RALYL: variants seen among roughly 807,000 people sequenced by gnomAD.
RALYL encodes the protein RNA-binding Raly-like protein.
RALYL carries 29 observed loss-of-function variants against 35.1 expected under a neutral mutation model. The observed-to-expected ratio is 0.83, with a 90% confidence interval of 0.61 to 1.13. The LOEUF is 1.13. Ranked by LOEUF, RALYL falls within the 50% of genes most tolerant of loss-of-function variation. The pLI is 0.00. For synonymous variants in RALYL, 120 were observed against 127.6 expected, an observed-to-expected ratio of 0.94 and a Z score of 0.40; for missense variants, 359 against 360.4, an observed-to-expected ratio of 1.00 and a Z score of 0.03.
intron 1 of RALYL, among the ~76,000 whole-genome samples, chr8:84,478,852 G>C (rs891200044): frequency 2.7e-5 from 4 of 149,572 alleles, no homozygotes; most frequent in African/African-American, 9.8e-5. Context: ...TTTGGGAGGC[G>C]GAGGCGGGCG....
At chr8:84,273,512 A>G (rs765895984) in intron 1 of RALYL, among the ~76,000 whole-genome samples, 1 of 152,258 alleles carries the variant, frequency 6.6e-6, no homozygotes, top group African/African-American at 2.4e-5. Flanking sequence ...GAGAAGGGTC[A>G]TTAAATCCCC....
At chr8:84,682,439 G>A (rs1289484205) in intron 2 of RALYL, among the ~76,000 whole-genome samples, 1 of 152,084 alleles carries the variant, frequency 6.6e-6, no homozygotes, top group Non-Finnish European at 1.5e-5. Context: ...TTTTACCTCT[G>A]GTAGAATTCG....
chr8:84,854,845 T>C (rs1406897306), intron 5 of RALYL, among the ~76,000 whole-genome samples: 1 of 152,112 alleles, frequency 6.6e-6, no homozygotes, highest in African/African-American at 2.4e-5. Flanking sequence ...AAACTATGCA[T>C]AGGAGATTCT....
At chr8:84,614,777 T>TC (rs1404029048) in intron 2 of RALYL, among the ~76,000 whole-genome samples, 5 of 146,762 alleles carry the variant, frequency 3.4e-5, no homozygotes, top group African/African-American at 1.3e-4. Context: ...CTTCTTTCCT[T>TC]TTTTTTTTTT....
At chr8:84,755,675 G>C (rs1811216915) in intron 2 of RALYL, among the ~76,000 whole-genome samples, 1 of 151,848 alleles carries the variant, frequency 6.6e-6, no homozygotes. Context: ...TGCCAATGTT[G>C]TTTCTTAATA....
At chr8:84,345,847 T>G in intron 1 of RALYL, among the ~76,000 whole-genome samples, 1 of 152,188 alleles carries the variant, frequency 6.6e-6, no homozygotes, top group South Asian at 2.1e-4. Flanking sequence ...CAGATATTAA[T>G]CAAATAATTA....
chr8:84,608,983 C>G (rs1300175010), intron 2 of RALYL, among the ~76,000 whole-genome samples: 1 of 151,950 alleles, frequency 6.6e-6, no homozygotes, highest in Admixed American at 6.6e-5. Flanking sequence ...AGAGTTGAAG[C>G]AATTTGCCCC....
At chr8:84,708,075 A>C (rs759129406) in intron 2 of RALYL, among the ~76,000 whole-genome samples, 2 of 152,150 alleles carry the variant, frequency 1.3e-5, no homozygotes, top group Non-Finnish European at 2.9e-5. Flanking sequence ...GAGATAGTAC[A>C]TAAATCAACT....
At chr8:84,413,800 A>C (rs917894010) in intron 1 of RALYL, among the ~76,000 whole-genome samples, 2 of 152,046 alleles carry the variant, frequency 1.3e-5, no homozygotes, top group African/African-American at 4.8e-5. Context: ...GGCAGTTCTT[A>C]GTGAAATCAA....
intron 1 of RALYL, among the ~76,000 whole-genome samples, chr8:84,427,275 C>G (rs942460962): frequency 6.6e-6 from 1 of 152,190 alleles, no homozygotes; most frequent in Non-Finnish European, 1.5e-5. Context: ...AGCTTCTCCC[C>G]TCAGGCCCTC....
At position 84,801,401 on chromosome 8, in the gene RALYL, C is replaced by T. The variant is rs1425681449; in HGVS notation, c.333-3369C>T. On this transcript the variant is annotated intron_variant, in intron 3 of 8. Transcript: ENST00000521268. ...CTTAACACAAAACTGTTGGAAGTCT[C>T]TTGTCTAAACAGAGTACAGGTTTAA... 3.9e-5 allele frequency among the ~76,000 whole-genome samples: 6 copies of T among 152,182 alleles called. No homozygotes were observed. In the East Asian group the frequency reaches 1.2e-3, roughly 29 times the overall value.
intron 1 of RALYL, among the ~76,000 whole-genome samples, chr8:84,455,544 T>C (rs1365535580): frequency 1.3e-5 from 2 of 152,102 alleles, no homozygotes; most frequent in Non-Finnish European, 2.9e-5. Context: ...TATAGGATTC[T>C]GTTTTCTTCA....
intron 4 of RALYL, among the ~76,000 whole-genome samples, chr8:84,842,633 A>G (rs1833690180): frequency 6.6e-6 from 1 of 152,156 alleles, no homozygotes; most frequent in African/African-American, 2.4e-5. Context: ...CCTGCATCAT[A>G]CTGATATCAA....
Position 84,862,469 on chromosome 8 carries a change from C to T in RALYL, c.571+16C>T. On this transcript the variant is annotated intron_variant, in intron 6 of 8. Transcript: ENST00000521268. Reference sequence around the variant, plus strand: ...GGTTCTAAATGTAAGTAATGTCCTTCATTTTATTTCTCTTTAAAGAAGGGA... The same window carrying T: ...GGTTCTAAATGTAAGTAATGTCCTTTATTTTATTTCTCTTTAAAGAAGGGA... 1 of 1,532,906 alleles carries T rather than the reference C, an allele frequency of 6.5e-7. No individual in the cohort carries two copies. The allele number at this position is 1,532,906 out of a possible 1,614,324, so 95.0% of individuals were successfully genotyped here.
intron 2 of RALYL, among the ~76,000 whole-genome samples, chr8:84,688,224 A>G (rs1435375632): frequency 1.3e-5 from 2 of 152,090 alleles, no homozygotes; most frequent in African/African-American, 2.4e-5. Flanking sequence ...TCAGTATAGA[A>G]TTTATTTGGA....
chr8:84,555,084 G>A (rs1306784899), intron 2 of RALYL, among the ~76,000 whole-genome samples: 1 of 152,108 alleles, frequency 6.6e-6, no homozygotes, highest in African/African-American at 2.4e-5. Context: ...TTCAAGACCA[G>A]CCTGACCAAC....
At chr8:84,919,238 T>C (rs1848941916) in intron 8 of RALYL, among the ~76,000 whole-genome samples, 2 of 152,096 alleles carry the variant, frequency 1.3e-5, no homozygotes, top group Admixed American at 1.3e-4. Flanking sequence ...ATTGCAATCA[T>C]ATAAATAGCC....
intron 2 of RALYL, among the ~76,000 whole-genome samples, chr8:84,772,068 G>A (rs1815662801): frequency 6.6e-6 from 1 of 151,840 alleles, no homozygotes; most frequent in African/African-American, 2.4e-5. Flanking sequence ...TGTCCTTGTG[G>A]ATAACCAATC....
intron 8 of RALYL, among the ~76,000 whole-genome samples, chr8:84,913,493 A>G (rs1019820439): frequency 2.6e-5 from 4 of 151,972 alleles, no homozygotes; most frequent in African/African-American, 9.7e-5. Flanking sequence ...ATAACTGACG[A>G]TTTTTCTAAA....
Sources: allele counts gnomAD v4.1 joint callset (sites outside exome capture counted in the v4.1 genomes callset), GRCh38; gene constraint gnomAD v4.1.1; transcripts MANE v1.5; gene names NCBI Gene and HGNC (gene_info 2026-07-23, HGNC 2026-07-21).